The following DNAH14 variants were observed in gnomAD, a reference collection of about 807,000 sequenced individuals.
DNAH14 encodes the protein axonemal beta dynein heavy chain 14.
A neutral mutation model predicts 520.9 loss-of-function variants in DNAH14; 478 were observed. The observed-to-expected ratio is 0.92, with a 90% confidence interval of 0.85 to 0.99. The LOEUF is 0.99. Among genes scored for constraint, DNAH14 ranks in the 50% least tolerant of loss-of-function variants. The pLI is 0.00. For synonymous variants in DNAH14, 1,581 were observed against 1,757.2 expected (o/e 0.90, Z 2.51); for missense variants, 4,831 against 5,234.5 (o/e 0.92, Z 2.38).
At chr1:225,170,353 G>A (rs1371734014) in intron 36 of DNAH14, among the ~76,000 whole-genome samples, 13 of 152,148 alleles carry the variant, frequency 8.5e-5, no homozygotes, top group Non-Finnish European at 1.6e-4. Context: ...AGACCCATCA[G>A]TGTGCTGTAT....
At chr1:224,944,851 C>T (rs1303640030) in intron 1 of DNAH14, among the ~76,000 whole-genome samples, 1 of 152,208 alleles carries the variant, frequency 6.6e-6, no homozygotes, top group Admixed American at 6.5e-5. Flanking sequence ...AGAGTTTCTG[C>T]TGAGAGATCA....
intron 30 of DNAH14, 49 bp from the exon 31 acceptor site, chr1:225,147,055 C>T: frequency 7.2e-7 from 1 of 1,386,710 alleles, no homozygotes. Flanking sequence ...AGTAAATTTT[C>T]TCACCATTAT....
At chr1:224,975,949 G>A (rs896226757) in intron 8 of DNAH14, among the ~76,000 whole-genome samples, 3 of 151,916 alleles carry the variant, frequency 2.0e-5, no homozygotes. Flanking sequence ...TGGTTTCAAA[G>A]AACATCTTTA....
intron 8 of DNAH14, among the ~76,000 whole-genome samples, chr1:224,986,882 A>G (rs539519881): frequency 1.3e-5 from 2 of 152,330 alleles, no homozygotes; most frequent in African/African-American, 4.8e-5. Context: ...AAAGTAAAAT[A>G]TCAAATGATC....
chr1:225,003,586 T>C (rs1572387783), intron 9 of DNAH14, among the ~76,000 whole-genome samples: 1 of 152,066 alleles, frequency 6.6e-6, no homozygotes. Flanking sequence ...AGATCAATAC[T>C]TGTAAATCAA....
chr1:225,376,097 G>GA (rs199621283), intron 78 of DNAH14, among the ~76,000 whole-genome samples: 2,353 of 151,324 alleles, frequency 0.016, 63 homozygotes, highest in African/African-American at 0.054. Context: ...GAAAAAGAAG[G>GA]AAAAAAAACT....
chr1:225,303,115 T>C (rs2094171361), intron 56 of DNAH14, 41 bp from the exon 57 acceptor site: 15 of 1,310,612 alleles, frequency 1.1e-5, no homozygotes, highest in Non-Finnish European at 1.5e-5. Flanking sequence ...TTCAAAACAG[T>C]GGATTACATT....
chr1:225,121,070 G>T (rs2077249973), intron 26 of DNAH14, among the ~76,000 whole-genome samples: 1 of 152,038 alleles, frequency 6.6e-6, no homozygotes, highest in Non-Finnish European at 1.5e-5. Flanking sequence ...TCCAACTAAA[G>T]ATATTTCATC....
chr1:225,042,170 C>G (rs2067537305), intron 12 of DNAH14, among the ~76,000 whole-genome samples: 1 of 152,094 alleles, frequency 6.6e-6, no homozygotes, highest in South Asian at 2.1e-4. Flanking sequence ...GGTTAAGGTT[C>G]CAGCAGATTA....
rs1043321936 is a variant in DNAH14 at position 225,275,952 on chromosome 1, T to A, written c.8049T>A (p.Thr2683=). The A allele has an allele frequency of 1.5e-5, 6 of 390,246 alleles. No individual in the cohort carries two copies. The highest frequency in any genetic ancestry group is 1.3e-4 in the African/African-American group (6 of 46,302). 24.2% of individuals were successfully genotyped at this position (390,246 alleles called of 1,614,324 possible). A position where few individuals can be genotyped will look rare whatever the true frequency, so the allele number is the denominator to read the frequency against. The change falls in exon 53 of 86, where the codon ACT becomes ACA. Residue 2683 remains threonine, a synonymous_variant. Coordinates refer to ENST00000682510, the MANE Select transcript of DNAH14 (RefSeq NM_001367479.1). ...AAGAAAACCTGATGAATCACTCAAC[T>A]GTATTTTTGGACTTCTTGGATATAA... ...WTQENLMNHS[T]VFLDFLDINK...
chr1:225,217,863 G>GC (rs2089590265), intron 41 of DNAH14, among the ~76,000 whole-genome samples: 2 of 152,106 alleles, frequency 1.3e-5, no homozygotes, highest in Non-Finnish European at 2.9e-5. Context: ...GTGAGGCAAT[G>GC]CCCCACCCTG....
intron 11 of DNAH14, chr1:225,024,595 A>G (rs928042461): frequency 1.3e-5 from 2 of 152,140 alleles, no homozygotes; most frequent in African/African-American, 4.8e-5. Context: ...AAATATATCA[A>G]TTCAAAAAAT....
intron 41 of DNAH14, among the ~76,000 whole-genome samples, chr1:225,224,553 T>C (rs1056656642): frequency 1.2e-4 from 18 of 152,156 alleles, no homozygotes; most frequent in Non-Finnish European, 2.4e-4. Context: ...TCAAAGCATA[T>C]TGCCCCTATC....
At chr1:225,103,322 G>A (rs530404263) in intron 23 of DNAH14, among the ~76,000 whole-genome samples, 2 of 152,272 alleles carry the variant, frequency 1.3e-5, no homozygotes, top group South Asian at 2.1e-4. Flanking sequence ...GTCAGGTAGC[G>A]TGATGCCTCC....
Position 225,079,606 on chromosome 1 carries a change from G to A in DNAH14, c.2766+58G>A, listed in dbSNP as rs190884290. The A allele has an allele frequency of 1.2e-3, 1,513 of 1,312,190 alleles. 33 individuals carry two copies. In the Admixed American group the frequency reaches 0.038, roughly 33 times the overall value. 81.3% of individuals were successfully genotyped at this position (1,312,190 alleles called of 1,614,324 possible). On this transcript the variant is annotated intron_variant, in intron 18 of 85. Transcript: ENST00000682510. ...TTATTAAAAACTTGATCTTAGTCTCGTAAGTCCAGGCATTTGGGTATTTGC... is the reference window on the plus strand; with the variant it reads ...TTATTAAAAACTTGATCTTAGTCTCATAAGTCCAGGCATTTGGGTATTTGC...
intron 36 of DNAH14, among the ~76,000 whole-genome samples, chr1:225,171,538 T>C (rs2082667000): frequency 6.6e-6 from 1 of 152,194 alleles, no homozygotes; most frequent in Admixed American, 6.5e-5. Context: ...GAAAAATTTC[T>C]CGACACATAC....
chr1:225,233,679 G>C (rs2091326436), intron 42 of DNAH14, among the ~76,000 whole-genome samples: 1 of 151,934 alleles, frequency 6.6e-6, no homozygotes, highest in Non-Finnish European at 1.5e-5. Context: ...GTAGACTCTG[G>C]ATATTAGACC....
At chr1:225,262,405 A>G in intron 46 of DNAH14, among the ~76,000 whole-genome samples, 1 of 151,960 alleles carries the variant, frequency 6.6e-6, no homozygotes, top group Non-Finnish European at 1.5e-5. Context: ...TCTTAATCAT[A>G]AATTCTTTGC....
intron 10 of DNAH14, among the ~76,000 whole-genome samples, chr1:225,017,812 T>C (rs2065335342): frequency 6.6e-6 from 1 of 152,006 alleles, no homozygotes; most frequent in Admixed American, 6.5e-5. Flanking sequence ...GAAGTGAGAG[T>C]TGGCCCACTG....
Sources: allele counts gnomAD v4.1 joint callset (sites outside exome capture counted in the v4.1 genomes callset), GRCh38; gene constraint gnomAD v4.1.1; transcripts MANE v1.5; gene names NCBI Gene and HGNC (gene_info 2026-07-23, HGNC 2026-07-21).